Variants in GRIA4 observed in about 807,000 individuals in gnomAD.
The protein encoded by GRIA4 is glutamate ionotropic receptor AMPA type subunit 4, also known as glutamate receptor 4.
In GRIA4, 34 loss-of-function variants were observed where a neutral mutation model predicts 104.0. The observed-to-expected ratio is 0.33, with a 90% confidence interval of 0.25 to 0.44. The LOEUF is 0.44. Among genes scored for constraint, GRIA4 ranks in the 20% least tolerant of loss-of-function variants. The pLI is 1.00. For synonymous variants in GRIA4, 386 were observed against 381.9 expected, an observed-to-expected ratio of 1.01 and a Z score of -0.13; for missense variants, 750 against 1,096.5, an observed-to-expected ratio of 0.68 and a Z score of 4.46.
At chr11:105,884,602 A>G (rs949274950) in intron 5 of GRIA4, among the ~76,000 whole-genome samples, 1 of 152,176 alleles carries the variant, frequency 6.6e-6, no homozygotes, top group Non-Finnish European at 1.5e-5. Context: ...TAGCATCACC[A>G]GCCAGGTAAA....
chr11:105,749,909 T>C (rs1939898116), intron 3 of GRIA4, among the ~76,000 whole-genome samples: 1 of 152,212 alleles, frequency 6.6e-6, no homozygotes, highest in Non-Finnish European at 1.5e-5. Context: ...TATCATTGCA[T>C]GTATTTAGTG....
intron 3 of GRIA4, among the ~76,000 whole-genome samples, chr11:105,714,787 G>A (rs1019937821): frequency 3.3e-5 from 5 of 152,000 alleles, no homozygotes; most frequent in African/African-American, 1.2e-4. Flanking sequence ...TAGGTCTTCA[G>A]TTGGGACAGA....
rs1948089643 is a variant in GRIA4 at position 105,938,013 on chromosome 11, A to T, written c.2294+4044A>T. Among the ~76,000 whole-genome samples, 3 of 152,306 alleles carry T rather than the reference A, an allele frequency of 2.0e-5. No individual in the cohort carries two copies. The South Asian group carries it at 6.2e-4, about 32-fold the overall frequency. On this transcript the variant is annotated intron_variant, in intron 14 of 16. Transcript: ENST00000282499. ...CTCAGCATGGGAATTAGAATACCAC[A>T]TCTCTCATTGGACTTTTCCTTTCAG...
intron 14 of GRIA4, among the ~76,000 whole-genome samples, chr11:105,940,366 G>A (rs1948153640): frequency 6.6e-6 from 1 of 151,996 alleles, no homozygotes; most frequent in Non-Finnish European, 1.5e-5. Context: ...CTGAGCAACA[G>A]AGAAAGACCC....
At chr11:105,955,276 C>T (rs1591483353) in intron 14 of GRIA4, among the ~76,000 whole-genome samples, 1 of 152,022 alleles carries the variant, frequency 6.6e-6, no homozygotes, top group Non-Finnish European at 1.5e-5. Flanking sequence ...CCCCTCACCC[C>T]CAACCCTCCA....
At chr11:105,946,572 C>T (rs1465897124) in intron 14 of GRIA4, among the ~76,000 whole-genome samples, 1 of 151,680 alleles carries the variant, frequency 6.6e-6, no homozygotes, top group Admixed American at 6.6e-5. Context: ...GGTGACACAG[C>T]CAGACCCTGT....
At chr11:105,853,597 T>A (rs533199322) in intron 4 of GRIA4, among the ~76,000 whole-genome samples, 58 of 152,308 alleles carry the variant, frequency 3.8e-4, no homozygotes, top group Non-Finnish European at 6.5e-4. Flanking sequence ...AAGCTATCTC[T>A]GGGATGAACA....
chr11:105,672,821 A>C lies in GRIA4; in HGVS notation c.247+60387A>C, dbSNP rs184135759. On this transcript the variant is annotated intron_variant, in intron 3 of 16. Transcript: ENST00000282499. The stretch of plus-strand genomic sequence containing the variant: ...GATTCAGTATTTTAAAAACAGAATT[A>C]CTTTTCCAAACTTTATGACTTTTAC... 1.4e-3 allele frequency among the ~76,000 whole-genome samples: 211 copies of C among 152,256 alleles called. 3 individuals carry two copies. The highest frequency in any genetic ancestry group is 4.5e-3 in the African/African-American group (188 of 41,574).
At chr11:105,855,983 A>G (rs1944995333) in intron 4 of GRIA4, among the ~76,000 whole-genome samples, 2 of 152,168 alleles carry the variant, frequency 1.3e-5, no homozygotes, top group Non-Finnish European at 2.9e-5. Context: ...CTGAAAATAG[A>G]AGTAGAATGA....
chr11:105,921,308 T>TGG (rs1463527180), intron 11 of GRIA4, among the ~76,000 whole-genome samples: 7 of 84,178 alleles, frequency 8.3e-5, no homozygotes, highest in Non-Finnish European at 1.9e-4. Context: ...CACACTTGGG[T>TGG]GTGTGTGTGT....
intron 10 of GRIA4, among the ~76,000 whole-genome samples, chr11:105,917,801 T>C (rs941259261): frequency 4.2e-5 from 6 of 143,954 alleles, no homozygotes; most frequent in Non-Finnish European, 7.5e-5. Context: ...TGTCTTTTAA[T>C]GGTTTGGTTT....
chr11:105,744,527 G>A (rs10502061), intron 3 of GRIA4, among the ~76,000 whole-genome samples: 10,949 of 152,100 alleles, frequency 0.072, 592 homozygotes, highest in East Asian at 0.22. Context: ...GTACTAATAC[G>A]GAGTGGTAAG....
At chr11:105,913,966 G>C (rs1565338956) in intron 10 of GRIA4, among the ~76,000 whole-genome samples, 2 of 151,704 alleles carry the variant, frequency 1.3e-5, no homozygotes, top group Non-Finnish European at 2.9e-5. Context: ...TAAGATGTTT[G>C]ATATTTTTTC....
intron 14 of GRIA4, among the ~76,000 whole-genome samples, chr11:105,959,338 T>C (rs973817731): frequency 6.6e-6 from 1 of 152,192 alleles, no homozygotes; most frequent in Non-Finnish European, 1.5e-5. Context: ...CTGTATGTCT[T>C]ATTTCAGTAA....
At chr11:105,892,843 T>C (rs1043052877) in intron 6 of GRIA4, among the ~76,000 whole-genome samples, 1 of 152,174 alleles carries the variant, frequency 6.6e-6, no homozygotes, top group South Asian at 2.1e-4. Context: ...ATTCCTTCCA[T>C]TAATTGCACC....
chr11:105,645,928 G>A (rs1293716491), intron 3 of GRIA4, among the ~76,000 whole-genome samples: 1 of 152,136 alleles, frequency 6.6e-6, no homozygotes, highest in Admixed American at 6.6e-5. Context: ...CCAGTGAGCT[G>A]GTTAAAATTG....
chr11:105,782,891 A>G (rs552763401), intron 4 of GRIA4, among the ~76,000 whole-genome samples: 2 of 152,306 alleles, frequency 1.3e-5, no homozygotes, highest in African/African-American at 4.8e-5. Context: ...TGGTTTCTCA[A>G]CTTTCTAAAT....
intron 10 of GRIA4, among the ~76,000 whole-genome samples, chr11:105,911,544 TGTTGA>T (rs1157400284): frequency 6.6e-6 from 1 of 151,380 alleles, no homozygotes; most frequent in Non-Finnish European, 1.5e-5. Flanking sequence ...TTTTTAGTAA[TGTTGA>T]GTTGTTCCCA....
intron 3 of GRIA4, chr11:105,613,475 A>G (rs1451221982): frequency 6.6e-6 from 1 of 152,204 alleles, no homozygotes; most frequent in African/African-American, 2.4e-5. Context: ...CACAGTTAAT[A>G]AAATGTTCAA....
Sources: allele counts gnomAD v4.1 joint callset (sites outside exome capture counted in the v4.1 genomes callset), GRCh38; gene constraint gnomAD v4.1.1; transcripts MANE v1.5; gene names NCBI Gene and HGNC (gene_info 2026-07-23, HGNC 2026-07-21).